Variants in RCN2 observed in about 807,000 individuals in gnomAD.
The protein encoded by RCN2 is reticulocalbin-2.
In RCN2, 23 loss-of-function variants were observed where a neutral mutation model predicts 37.5. The ratio of observed to expected loss-of-function variants is 0.61; its 90% CI spans 0.44 to 0.87. The LOEUF is 0.87. Among genes scored for constraint, RCN2 ranks in the 40% least tolerant of loss-of-function variants. RCN2 has a pLI of 0.00. For missense variants in RCN2, 381 were observed against 390.4 expected, an observed-to-expected ratio of 0.98 and a Z score of 0.20; for synonymous variants, 140 against 144.6, an observed-to-expected ratio of 0.97 and a Z score of 0.23.
Position 76,948,976 on chromosome 15 carries a change from C to T in RCN2, c.802-94C>T, listed in dbSNP as rs1425158153. 3 of 1,138,888 alleles carry T rather than the reference C, an allele frequency of 2.6e-6. No individual in the cohort carries two copies. In the African/African-American group the frequency reaches 4.7e-5, roughly 18 times the overall value. The allele number at this position is 1,138,888 out of a possible 1,614,324, so 70.5% of individuals were successfully genotyped here. ...TTAAACAATAATGAGTACTTGTACA[C>T]CTGGATGATTTTGACAAGTCAAATC... On this transcript the variant is annotated intron_variant, in intron 6 of 6. Transcript: ENST00000394885.
At chr15:76,937,549 AG>A (rs965698387) in intron 3 of RCN2, among the ~76,000 whole-genome samples, 5 of 152,122 alleles carry the variant, frequency 3.3e-5, no homozygotes, top group African/African-American at 1.2e-4. Context: ...CTGGGATTTC[AG>A]GCTCAAGCCA....
rs2075338745 is a variant in RCN2, at chr15:76,954,128, T to C, written c.*4906T>C. 6.6e-6 allele frequency: 1 copy of C among 151,362 alleles called. No individual in the cohort carries two copies. Among genetic ancestry groups the C allele is most frequent in the Admixed American group, 6.6e-5 (1 of 15,164 alleles). 9.4% of individuals were successfully genotyped at this position (151,362 alleles called of 1,614,324 possible). On this transcript the variant is annotated 3_prime_UTR_variant, in exon 7 of 7. Coordinates refer to ENST00000394885, the MANE Select transcript of RCN2 (RefSeq NM_002902.3). ...GTTGTGGCTTTGATTTGCATTTCCC[T>C]AATGGTCTGTCTCTACAGTTTTGCC...
chr15:76,948,917 G>A (rs887242948), intron 6 of RCN2, 153 bp from the exon 7 acceptor site: 6 of 705,908 alleles, frequency 8.5e-6, no homozygotes, highest in East Asian at 2.6e-5. Flanking sequence ...AGCAGTAGAC[G>A]GACCTGGTTA....
Position 76,948,345 on chromosome 15 carries a change from C to G in RCN2, c.659-65C>G, listed in dbSNP as rs1171190737. 15 of 1,197,470 alleles carry G rather than the reference C, an allele frequency of 1.3e-5. No homozygotes were observed. The South Asian group carries it at 2.5e-4, about 20-fold the overall frequency. 74.2% of individuals were successfully genotyped at this position (1,197,470 alleles called of 1,614,324 possible). A position where few individuals can be genotyped will look rare whatever the true frequency, so the allele number is the denominator to read the frequency against. Reference sequence around the variant, plus strand: ...TCACTTCCTTTATTCTAGGGATATACCAAACTTCTTATTGGATACATGTGA... The same window carrying G: ...TCACTTCCTTTATTCTAGGGATATAGCAAACTTCTTATTGGATACATGTGA... On this transcript the variant is annotated intron_variant, in intron 5 of 6. Transcript: ENST00000394885.
intron 3 of RCN2, among the ~76,000 whole-genome samples, chr15:76,939,171 C>A (rs1274337435): frequency 6.6e-6 from 1 of 151,866 alleles, no homozygotes; most frequent in Non-Finnish European, 1.5e-5. Context: ...GTCAAGGCTG[C>A]GGTGAGCCAT....
intron 3 of RCN2, among the ~76,000 whole-genome samples, chr15:76,940,423 G>A (rs1455986466): frequency 6.6e-6 from 1 of 151,586 alleles, no homozygotes; most frequent in African/African-American, 2.4e-5. Flanking sequence ...CAAAGTTATA[G>A]ACTAAACACT....
In RCN2 at chr15:76,953,700, C is replaced by A. The variant is rs1168558598; in HGVS notation, c.*4478C>A. Reference sequence around the variant, plus strand: ...TCGGCTCACTGCAGGCTCCGCCTCCCGGGTTCACACCATTCTCCTGCCTCA... The same window carrying A: ...TCGGCTCACTGCAGGCTCCGCCTCCAGGGTTCACACCATTCTCCTGCCTCA... On this transcript the variant is annotated 3_prime_UTR_variant, in exon 7 of 7. Transcript: ENST00000394885. The A allele has an allele frequency of 6.9e-6, 1 of 144,412 alleles. No individual in the cohort carries two copies. The highest frequency in any genetic ancestry group is 2.6e-5 in the African/African-American group (1 of 38,888). The allele number at this position is 144,412 out of a possible 1,614,324, so 8.9% of individuals were successfully genotyped here. A position where few individuals can be genotyped will look rare whatever the true frequency, so the allele number is the denominator to read the frequency against.
chr15:76,934,354 C>T (rs977544564), intron 2 of RCN2, among the ~76,000 whole-genome samples: 1 of 152,000 alleles, frequency 6.6e-6, no homozygotes, highest in East Asian at 1.9e-4. Context: ...CGAGACCAGG[C>T]TGGTCTCGAA....
intron 3 of RCN2, chr15:76,938,906 C>T: frequency 2.5e-6 from 1 of 396,116 alleles, no homozygotes; most frequent in South Asian, 1.7e-5. Flanking sequence ...GTGGCTCACA[C>T]CTGTAATCTC....
intron 3 of RCN2, among the ~76,000 whole-genome samples, chr15:76,937,306 T>C (rs1240394418): frequency 6.6e-6 from 1 of 152,234 alleles, no homozygotes; most frequent in Non-Finnish European, 1.5e-5. Flanking sequence ...TTTGGGTATA[T>C]ACCTGGAAGT....
At chr15:76,939,762 A>C (rs2075269647) in intron 3 of RCN2, among the ~76,000 whole-genome samples, 1 of 152,210 alleles carries the variant, frequency 6.6e-6, no homozygotes, top group Admixed American at 6.5e-5. Context: ...TCTTGCTGGA[A>C]TTAGATTCTA....
chr15:76,943,968 T>C, intron 4 of RCN2, 97 bp downstream of exon 4: 1 of 484,226 alleles, frequency 2.1e-6, no homozygotes, highest in Non-Finnish European at 3.7e-6. Flanking sequence ...TATATATGTT[T>C]ATGGGATACA....
intron 4 of RCN2, among the ~76,000 whole-genome samples, chr15:76,945,681 G>T (rs1318955280): frequency 6.6e-6 from 1 of 152,184 alleles, no homozygotes; most frequent in Non-Finnish European, 1.5e-5. Context: ...TACGTGGCTT[G>T]GTTCCCTGGA....
chr15:76,947,560 GAA>G lies in RCN2; in HGVS notation c.658+45_658+46del, dbSNP rs773717656. On this transcript the variant is annotated intron_variant, in intron 5 of 6. Coordinates refer to ENST00000394885, the MANE Select transcript of RCN2 (RefSeq NM_002902.3). ...ATGTGAAAAGAGAAAAGGAATTGAA[GAA>G]AGACATTGAAAGACAGCCTTGCTCA... 6 of 1,130,064 alleles carry G rather than the reference GAA, an allele frequency of 5.3e-6. No homozygotes were observed. In the South Asian group the frequency reaches 7.7e-5, roughly 15 times the overall value. 70.0% of individuals were successfully genotyped at this position (1,130,064 alleles called of 1,614,324 possible). A position where few individuals can be genotyped will look rare whatever the true frequency, so the allele number is the denominator to read the frequency against.
intron 3 of RCN2, chr15:76,941,741 GA>G: frequency 1.1e-6 from 1 of 914,842 alleles, no homozygotes. Flanking sequence ...ATGTGAACCA[GA>G]AAAAGCTACC....
chr15:76,932,393 C>T lies in RCN2; in HGVS notation c.177C>T (p.His59=). 1 of 1,613,808 alleles carries T rather than the reference C, an allele frequency of 6.2e-7. No homozygotes were observed. Among genetic ancestry groups the T allele is most frequent in the Non-Finnish European group, 8.5e-7 (1 of 1,179,832 alleles). The change falls in exon 2 of 7, where the codon CAC becomes CAT. Residue 59 remains histidine, a synonymous_variant. Transcript: ENST00000394885. ...EDVDEYVKLG[H]EEQQKRLQAI... ...TGGATGAATATGTTAAACTCGGCCA[C>T]GAAGAGCAGCAAAAAAGACTGCAGG...
intron 3 of RCN2, 109 bp downstream of exon 3, chr15:76,935,831 C>CCTG: frequency 1.3e-6 from 1 of 760,748 alleles, no homozygotes; most frequent in South Asian, 2.0e-5. Flanking sequence ...TTGTCTTGTT[C>CCTG]TCTAGGAAAT....
At chr15:76,946,023 AAGC>A (rs2152651524) in intron 4 of RCN2, among the ~76,000 whole-genome samples, 1 of 152,368 alleles carries the variant, frequency 6.6e-6, no homozygotes, top group Admixed American at 6.5e-5. Flanking sequence ...TTACCAGTAA[AAGC>A]AATGAAATAA....
rs2075224424 is a variant in RCN2, at chr15:76,931,914, G to A, written c.73G>A (p.Ala25Thr). ...LCAAAAGAGKAEELHYPLGER... is the reference protein window; with the variant it reads ...LCAAAAGAGKTEELHYPLGER... ...CGCCGCCGCGGCCGGCGCCGGCAAG[G>A]CCGAGGAGCTGCACTACCCGCTGGG... Residue 25 changes from alanine (A) to threonine (T), a missense_variant, in exon 1 of 7, where the codon GCC becomes ACC. By Grantham distance (58) the Ala-to-Thr change is moderately conservative. Transcript: ENST00000394885. 6 of 1,329,348 alleles carry A rather than the reference G, an allele frequency of 4.5e-6. No homozygotes were observed. In the South Asian group the frequency reaches 1.1e-4, roughly 25 times the overall value. The allele number at this position is 1,329,348 out of a possible 1,614,324, so 82.3% of individuals were successfully genotyped here. A position where few individuals can be genotyped will look rare whatever the true frequency, so the allele number is the denominator to read the frequency against.
Sources: gnomAD v4.1 joint callset for allele counts (sites outside exome capture counted in the v4.1 genomes callset) on GRCh38, gnomAD v4.1.1 for gene constraint, MANE v1.5 for transcripts, NCBI Gene and HGNC (gene_info 2026-07-23, HGNC 2026-07-21) for gene names.